Variants in RBFOX1 observed in about 807,000 individuals in gnomAD.
The protein encoded by RBFOX1 is RNA binding fox-1 homolog 1.
RBFOX1 carries 8 observed loss-of-function variants against 57.7 expected under a neutral mutation model. The observed-to-expected ratio is 0.14, with a 90% CI of 0.08 to 0.25. The LOEUF (loss-of-function observed/expected upper bound fraction) is 0.25. Among genes scored for constraint, RBFOX1 ranks in the 10% least tolerant of loss-of-function variants. The pLI is 1.00. For missense variants in RBFOX1, 611 were observed against 548.5 expected (o/e 1.11, Z -1.14); for synonymous variants, 326 against 222.4 (o/e 1.47, Z -4.15).
At chr16:6,794,296 T>C (rs1056713887) in intron 3 of RBFOX1, among the ~76,000 whole-genome samples, 2 of 150,810 alleles carry the variant, frequency 1.3e-5, no homozygotes, top group Non-Finnish European at 3.0e-5. Context: ...TTTTTTTTTT[T>C]TTTTTACAAT....
intron 1 of RBFOX1, among the ~76,000 whole-genome samples, chr16:6,125,014 A>G (rs949689754): frequency 6.6e-6 from 1 of 152,116 alleles, no homozygotes; most frequent in Non-Finnish European, 1.5e-5. Context: ...CCTCCAACCC[A>G]GAGACTCCCC....
chr16:5,831,612 C>G (rs2056278899), intron 3 of RBFOX1, among the ~76,000 whole-genome samples: 1 of 151,918 alleles, frequency 6.6e-6, no homozygotes, highest in African/African-American at 2.4e-5. Context: ...GCTGTAGTCT[C>G]CTGAGTAGCT....
chr16:6,900,522 C>G (rs1393236908), intron 3 of RBFOX1, among the ~76,000 whole-genome samples: 2 of 152,130 alleles, frequency 1.3e-5, no homozygotes, highest in African/African-American at 4.8e-5. Flanking sequence ...CTGGCCCTGC[C>G]CTTCTCTCAA....
At chr16:5,250,080 G>A (rs2062411111) in intron 1 of RBFOX1, among the ~76,000 whole-genome samples, 2 of 151,468 alleles carry the variant, frequency 1.3e-5, no homozygotes, top group Admixed American at 6.6e-5. Flanking sequence ...AGTGAGCCGA[G>A]ATTGTGTCCC....
At chr16:5,722,252 A>G (rs1314578206) in intron 3 of RBFOX1, among the ~76,000 whole-genome samples, 1 of 152,228 alleles carries the variant, frequency 6.6e-6, no homozygotes, top group African/African-American at 2.4e-5. Flanking sequence ...GAGGTGAGTT[A>G]TTGTAACATA....
intron 2 of RBFOX1, among the ~76,000 whole-genome samples, chr16:5,467,890 G>C (rs1180141728): frequency 6.6e-6 from 1 of 152,200 alleles, no homozygotes; most frequent in African/African-American, 2.4e-5. Flanking sequence ...TTTTCCTCAA[G>C]ATTAGTGTCA....
At chr16:7,363,379 G>C (rs894298119) in intron 4 of RBFOX1, among the ~76,000 whole-genome samples, 1 of 152,138 alleles carries the variant, frequency 6.6e-6, no homozygotes, top group African/African-American at 2.4e-5. Context: ...GTAAAACAAA[G>C]CCAATTGCAT....
intron 3 of RBFOX1, among the ~76,000 whole-genome samples, chr16:5,818,316 C>T (rs755170699): frequency 2.6e-5 from 4 of 152,184 alleles, no homozygotes; most frequent in Non-Finnish European, 5.9e-5. Context: ...GCCTGAGTTT[C>T]ATTGCACATC....
At chr16:5,366,049 A>G (rs1205909297) in intron 1 of RBFOX1, 5 of 481,366 alleles carry the variant, frequency 1.0e-5, no homozygotes, top group Non-Finnish European at 1.6e-5. Flanking sequence ...CTGTACAGCA[A>G]TGGTTTCCCT....
chr16:5,920,353 C>A (rs545913421), intron 4 of RBFOX1, among the ~76,000 whole-genome samples: 2 of 152,232 alleles, frequency 1.3e-5, no homozygotes, highest in African/African-American at 4.8e-5. Flanking sequence ...ATTCACTCAT[C>A]GGTGGCTATA....
chr16:6,242,762 T>A (rs1272771575), intron 1 of RBFOX1, among the ~76,000 whole-genome samples: 1 of 152,058 alleles, frequency 6.6e-6, no homozygotes, highest in African/African-American at 2.4e-5. Flanking sequence ...GTTAAGTAAT[T>A]TGCCAGAAGG....
intron 4 of RBFOX1, among the ~76,000 whole-genome samples, chr16:7,390,668 T>C (rs2097990956): frequency 6.6e-6 from 1 of 152,192 alleles, no homozygotes; most frequent in African/African-American, 2.4e-5. Flanking sequence ...AATTTGGTGA[T>C]TTTTGATGAA....
intron 4 of RBFOX1, among the ~76,000 whole-genome samples, chr16:7,482,200 C>T (rs2064137386): frequency 1.3e-5 from 2 of 152,206 alleles, no homozygotes; most frequent in South Asian, 2.1e-4. Flanking sequence ...CTAATATATG[C>T]AGAACGCTGG....
intron 4 of RBFOX1, among the ~76,000 whole-genome samples, chr16:7,288,959 G>C (rs539086057): frequency 6.6e-6 from 1 of 152,204 alleles, no homozygotes; most frequent in Non-Finnish European, 1.5e-5. Context: ...GCAGGGGTTG[G>C]AGAAAAGAAA....
chr16:7,462,750 G>A lies in RBFOX1; in HGVS notation c.28-55397G>A, dbSNP rs775277797. On this transcript the variant is annotated intron_variant, in intron 4 of 15. Coordinates refer to ENST00000550418, the MANE Select transcript of RBFOX1 (RefSeq NM_018723.4). The stretch of plus-strand genomic sequence containing the variant: ...CAAAGCTTTGCTGGCTGTCAGCAGG[G>A]AGATAGCCCTGGCCTTCAGAAGCTG... Among the ~76,000 whole-genome samples the A allele has an allele frequency of 4.6e-4, 70 of 152,342 alleles. No homozygotes were observed. In the Middle Eastern group the frequency reaches 0.014, roughly 30 times the overall value.
intron 2 of RBFOX1, among the ~76,000 whole-genome samples, chr16:6,629,746 C>T (rs2098359239): frequency 6.6e-6 from 1 of 152,210 alleles, no homozygotes; most frequent in Non-Finnish European, 1.5e-5. Flanking sequence ...TTTCTAACCA[C>T]ATTTATTTCT....
intron 2 of RBFOX1, among the ~76,000 whole-genome samples, chr16:5,536,320 C>T (rs1240224236): frequency 6.7e-6 from 1 of 149,744 alleles, no homozygotes; most frequent in Non-Finnish European, 1.5e-5. Flanking sequence ...GCACAGCCTC[C>T]TCCTGCTGGG....
At chr16:5,394,315 C>G (rs572458244) in intron 1 of RBFOX1, among the ~76,000 whole-genome samples, 43 of 152,294 alleles carry the variant, frequency 2.8e-4, no homozygotes, top group African/African-American at 9.1e-4. Flanking sequence ...AGACATTGCG[C>G]CCAGCCAGCC....
At chr16:5,314,103 C>T (rs1481137686) in intron 1 of RBFOX1, among the ~76,000 whole-genome samples, 1 of 152,108 alleles carries the variant, frequency 6.6e-6, no homozygotes, top group Non-Finnish European at 1.5e-5. Flanking sequence ...CTCATGAGAC[C>T]CTCTTGACAA....
Sources: allele counts gnomAD v4.1 joint callset (sites outside exome capture counted in the v4.1 genomes callset), GRCh38; gene constraint gnomAD v4.1.1; transcripts MANE v1.5; gene names NCBI Gene and HGNC (gene_info 2026-07-23, HGNC 2026-07-21).